The following WASHC2C variants were observed in gnomAD, a reference collection of about 807,000 sequenced individuals.
WASHC2C encodes WASH complex subunit 2C.
A neutral mutation model predicts 142.2 loss-of-function variants in WASHC2C; 73 were observed. The observed-to-expected ratio is 0.51, with a 90% CI of 0.43 to 0.62. The LOEUF is 0.62. WASHC2C is among the 20% of genes least tolerant of loss of function. The pLI is 0.00. For missense variants in WASHC2C, 969 were observed against 1,531.7 expected (o/e 0.63, Z 6.13); for synonymous variants, 337 against 565.5 (o/e 0.60, Z 5.73).
intron 23 of WASHC2C, among the ~76,000 whole-genome samples, chr10:45,784,287 T>TATATATATATAC (rs1554889013): frequency 5.8e-3 from 49 of 8,514 alleles, no homozygotes; most frequent in Non-Finnish European, 0.014. Flanking sequence ...TATATATATA[T>TATATATATATAC]ATACACATAT....
intron 3 of WASHC2C, among the ~76,000 whole-genome samples, chr10:45,729,545 G>A (rs574080314): frequency 1.3e-5 from 2 of 152,078 alleles, no homozygotes; most frequent in Non-Finnish European, 2.9e-5. Context: ...TGTGATTTCT[G>A]TCTATTTACT....
At chr10:45,751,668 G>C in intron 11 of WASHC2C, 115 bp downstream of exon 11, 1 of 1,415,994 alleles carries the variant, frequency 7.1e-7, no homozygotes, top group Non-Finnish European at 9.6e-7. Context: ...AAATGGGTCT[G>C]TCTCCATTTA....
At chr10:45,749,024 T>C (rs1385875147) in intron 8 of WASHC2C, among the ~76,000 whole-genome samples, 1 of 152,252 alleles carries the variant, frequency 6.6e-6, no homozygotes, top group Non-Finnish European at 1.5e-5. Context: ...TTGCTTGACC[T>C]ACCTTGGATG....
intron 26 of WASHC2C, 164 bp downstream of exon 26, chr10:45,785,795 T>G (rs1411172880): frequency 8.8e-5 from 109 of 1,242,982 alleles, no homozygotes; most frequent in Non-Finnish European, 1.2e-4. Context: ...TCATCTCCCC[T>G]CTCCTCACTC....
At chr10:45,789,580 G>A in intron 29 of WASHC2C, 89 bp downstream of exon 29, 1 of 1,565,654 alleles carries the variant, frequency 6.4e-7, no homozygotes, top group Non-Finnish European at 8.7e-7. Flanking sequence ...TGTCTAGCTT[G>A]TTGCGTGCAT....
At chr10:45,736,619 G>T (rs1428998119) in intron 3 of WASHC2C, among the ~76,000 whole-genome samples, 1 of 151,650 alleles carries the variant, frequency 6.6e-6, no homozygotes, top group Non-Finnish European at 1.5e-5. Flanking sequence ...AAATAAATAA[G>T]CAGGAAGGGT....
At chr10:45,734,402 C>T (rs1405582999) in intron 3 of WASHC2C, among the ~76,000 whole-genome samples, 8 of 150,452 alleles carry the variant, frequency 5.3e-5, no homozygotes, top group African/African-American at 2.0e-4. Context: ...CATTTGCAGC[C>T]TACTTTTTTT....
intron 23 of WASHC2C, among the ~76,000 whole-genome samples, chr10:45,781,766 GCAAAGC>G (rs1432535371): frequency 8.2e-6 from 1 of 122,220 alleles, no homozygotes; most frequent in Non-Finnish European, 1.7e-5. Flanking sequence ...CTTGGATTAG[GCAAAGC>G]CTTCTTAGAT....
chr10:45,769,621 G>A lies in WASHC2C; in HGVS notation c.2039+3G>A, dbSNP rs369034346. Reference sequence around the variant, plus strand: ...CTTTTTGCCATTGCCAAGGACAGGTGAGATAGTCATTGGAAGGAGTCCCTC... The same window carrying A: ...CTTTTTGCCATTGCCAAGGACAGGTAAGATAGTCATTGGAAGGAGTCCCTC... On this transcript the variant is annotated splice_donor_region_variant and intron_variant, in intron 20 of 30. Coordinates refer to ENST00000623400, the MANE Select transcript of WASHC2C (RefSeq NM_001330074.2). The A allele has an allele frequency of 2.0e-3, 3,165 of 1,611,938 alleles. 10 individuals carry two copies. Among genetic ancestry groups the A allele is most frequent in the Non-Finnish European group, 1.7e-3 (1,974 of 1,179,846 alleles).
intron 17 of WASHC2C, among the ~76,000 whole-genome samples, chr10:45,763,144 G>GC (rs1452101858): frequency 1.3e-5 from 2 of 152,070 alleles, no homozygotes; most frequent in Admixed American, 6.5e-5. Flanking sequence ...GAATACAGAA[G>GC]CCCCTGGGCT....
At chr10:45,754,790 G>A (rs2054036063) in intron 14 of WASHC2C, 146 bp from the exon 15 acceptor site, 5 of 1,363,444 alleles carry the variant, frequency 3.7e-6, no homozygotes, top group Non-Finnish European at 5.1e-6. Context: ...TTCTGTAGCA[G>A]TAATGGATGG....
At chr10:45,773,892 C>CAAAAAA (rs71023148) in intron 21 of WASHC2C, among the ~76,000 whole-genome samples, 2 of 31,086 alleles carry the variant, frequency 6.4e-5, no homozygotes, top group African/African-American at 1.3e-4. Context: ...TACTGCAGGC[C>CAAAAAA]AAAAAAAAAA....
chr10:45,728,504 C>G (rs1042950990), intron 2 of WASHC2C, among the ~76,000 whole-genome samples: 6 of 151,814 alleles, frequency 4.0e-5, no homozygotes, highest in Non-Finnish European at 5.9e-5. Flanking sequence ...TTTGGGAGGC[C>G]GAGGTGGGCG....
At chr10:45,757,589 G>A (rs551506272) in intron 16 of WASHC2C, among the ~76,000 whole-genome samples, 140 of 152,258 alleles carry the variant, frequency 9.2e-4, no homozygotes, top group African/African-American at 3.3e-3. Context: ...AGTTGCCCCA[G>A]AATGTCTTTG....
At chr10:45,769,844 A>T (rs1211168179) in intron 20 of WASHC2C, among the ~76,000 whole-genome samples, 1 of 150,978 alleles carries the variant, frequency 6.6e-6, no homozygotes, top group Non-Finnish European at 1.5e-5. Flanking sequence ...ATTATTTTTT[A>T]ACCATATTCT....
At position 45,790,481 on chromosome 10, in the gene WASHC2C, A is replaced by G; in HGVS notation, c.3834A>G (p.Lys1278=). The G allele has an allele frequency of 6.2e-7, 1 of 1,611,054 alleles. No individual in the cohort carries two copies. The highest frequency in any genetic ancestry group is 8.5e-7 in the Non-Finnish European group (1 of 1,179,404). ...DIFADLTVKP[K]EKSKKKVEAK... ...TTGCTGACTTAACTGTAAAACCAAA[A>G]GAAAAGTCCAAAAAGAAAGTGGAAG... Residue 1278 remains lysine (K), a synonymous_variant, in exon 30 of 31, where the codon AAA becomes AAG. Transcript: ENST00000623400.
chr10:45,739,647 T>A (rs1206018448), intron 4 of WASHC2C, among the ~76,000 whole-genome samples: 16 of 149,634 alleles, frequency 1.1e-4, no homozygotes, highest in African/African-American at 3.9e-4. Context: ...AATTGAAAAA[T>A]GAGACCTCTG....
At position 45,792,914 on chromosome 10, in the gene WASHC2C, C is replaced by T. The variant is rs1160044676; in HGVS notation, c.*514C>T. On this transcript the variant is annotated 3_prime_UTR_variant, in exon 31 of 31. Coordinates refer to ENST00000623400, the MANE Select transcript of WASHC2C (RefSeq NM_001330074.2). ...CAAGGCAAAGTTTGGCAAACTGTGG[C>T]CCCCCCACTGTCATATTTTGTTAAT... is the stretch of plus-strand genomic sequence containing the variant. The T allele has an allele frequency of 2.2e-6, 1 of 458,202 alleles. No individual in the cohort carries two copies. The highest frequency in any genetic ancestry group is 4.5e-6 in the Non-Finnish European group (1 of 222,602). The allele number at this position is 458,202 out of a possible 1,614,324, so 28.4% of individuals were successfully genotyped here.
intron 3 of WASHC2C, among the ~76,000 whole-genome samples, chr10:45,734,506 A>G (rs1231737385): frequency 6.6e-6 from 1 of 151,564 alleles, no homozygotes; most frequent in Non-Finnish European, 1.5e-5. Context: ...ATAATCTTCT[A>G]ATATTAAATG....
Sources: gnomAD v4.1 joint callset for allele counts (sites outside exome capture counted in the v4.1 genomes callset) on GRCh38, gnomAD v4.1.1 for gene constraint, MANE v1.5 for transcripts, NCBI Gene and HGNC (gene_info 2026-07-23, HGNC 2026-07-21) for gene names.